Variants in TXNDC16 observed in about 807,000 individuals in gnomAD.
TXNDC16 encodes the protein thioredoxin domain-containing protein 16.
TXNDC16 carries 74 observed loss-of-function variants against 85.6 expected under a neutral mutation model. The observed-to-expected ratio is 0.86, with a 90% CI of 0.72 to 1.05. The LOEUF (loss-of-function observed/expected upper bound fraction) is 1.05, where lower values mean the gene tolerates loss of function less well. Ranked by LOEUF, TXNDC16 falls within the 50% of genes least tolerant of loss-of-function variation. The pLI is 0.00. For synonymous variants in TXNDC16, 335 were observed against 326.5 expected (o/e 1.03, Z -0.28); for missense variants, 959 against 947.0 (o/e 1.01, Z -0.17).
intron 3 of TXNDC16, 89 bp from the exon 4 acceptor site, chr14:52,542,542 C>T (rs1387269960): frequency 1.2e-6 from 1 of 855,856 alleles, no homozygotes; most frequent in Non-Finnish European, 1.9e-6. Context: ...ATTCATTTGT[C>T]CAACTAGCAT....
chr14:52,544,028 C>G (rs2037890388), intron 2 of TXNDC16, among the ~76,000 whole-genome samples: 2 of 151,912 alleles, frequency 1.3e-5, no homozygotes. Flanking sequence ...GTGAAACAGC[C>G]AAAATATGCC....
intron 14 of TXNDC16, among the ~76,000 whole-genome samples, chr14:52,480,083 T>C (rs999611742): frequency 1.3e-5 from 2 of 152,140 alleles, no homozygotes; most frequent in South Asian, 2.1e-4. Flanking sequence ...ATTCAACAAA[T>C]GGTGCTGAGA....
chr14:52,432,731 T>A (rs1401543069), intron 20 of TXNDC16, 144 bp from the exon 21 acceptor site: 2 of 761,212 alleles, frequency 2.6e-6, no homozygotes, highest in East Asian at 6.2e-5. Context: ...AGCTAGGAAT[T>A]TTTTTACTGT....
At position 52,502,433 on chromosome 14, in the gene TXNDC16, C is replaced by T. The variant is rs998438290; in HGVS notation, c.756+8807G>A. Among the ~76,000 whole-genome samples the T allele has an allele frequency of 1.3e-5, 2 of 152,318 alleles. 1 individual carries two copies. Among genetic ancestry groups the T allele is most frequent in the Non-Finnish European group, 2.9e-5 (2 of 68,010 alleles). On this transcript the variant is annotated intron_variant, in intron 9 of 20. Transcript: ENST00000281741. ...ACCATTGACATTGTATTTTATAAAA[C>T]GTGTATTTCAAGGGGCTGTTGTTCC...
intron 18 of TXNDC16, among the ~76,000 whole-genome samples, chr14:52,454,898 A>G (rs999176270): frequency 6.6e-6 from 1 of 152,216 alleles, no homozygotes; most frequent in Non-Finnish European, 1.5e-5. Context: ...CTATCAAATC[A>G]TGTCTCATTC....
chr14:52,535,029 C>T (rs1219589175), intron 6 of TXNDC16, among the ~76,000 whole-genome samples: 4 of 152,168 alleles, frequency 2.6e-5, no homozygotes, highest in Admixed American at 2.6e-4. Flanking sequence ...ACCACTTTGT[C>T]ATCAAGTTGT....
intron 8 of TXNDC16, 64 bp from the exon 9 acceptor site, chr14:52,511,454 G>T: frequency 9.2e-7 from 1 of 1,084,064 alleles, no homozygotes; most frequent in South Asian, 2.4e-5. Flanking sequence ...CATCCAATAA[G>T]CTGTAACAAT....
intron 9 of TXNDC16, among the ~76,000 whole-genome samples, chr14:52,507,374 T>C (rs559258911): frequency 2.0e-5 from 3 of 152,058 alleles, no homozygotes; most frequent in African/African-American, 7.2e-5. Context: ...GAAGGACCTC[T>C]TCAAGGAGAA....
At chr14:52,476,173 G>C (rs1261189197) in intron 14 of TXNDC16, among the ~76,000 whole-genome samples, 1 of 152,116 alleles carries the variant, frequency 6.6e-6, no homozygotes, top group Non-Finnish European at 1.5e-5. Context: ...AAAAGGAACT[G>C]AACAACAGCC....
At chr14:52,542,890 A>C (rs1376116036) in intron 3 of TXNDC16, among the ~76,000 whole-genome samples, 1 of 152,166 alleles carries the variant, frequency 6.6e-6, no homozygotes, top group Non-Finnish European at 1.5e-5. Flanking sequence ...TAGTACTTTT[A>C]AGACATGAAG....
intron 8 of TXNDC16, 37 bp from the exon 9 acceptor site, chr14:52,511,427 AT>A: frequency 2.1e-6 from 3 of 1,406,490 alleles, no homozygotes; most frequent in Non-Finnish European, 2.9e-6. Flanking sequence ...ATGAAGTTCA[AT>A]ATGTGATCCT....
intron 6 of TXNDC16, among the ~76,000 whole-genome samples, chr14:52,524,170 G>C (rs1385189228): frequency 6.6e-6 from 1 of 152,240 alleles, no homozygotes; most frequent in Non-Finnish European, 1.5e-5. Context: ...TTTAGAGGAG[G>C]ACAGCTGTAA....
chr14:52,453,936 A>C (rs1436993580), intron 18 of TXNDC16, among the ~76,000 whole-genome samples: 1 of 152,184 alleles, frequency 6.6e-6, no homozygotes, highest in African/African-American at 2.4e-5. Flanking sequence ...TGGGTACAAA[A>C]ACTAGTTTGA....
intron 11 of TXNDC16, among the ~76,000 whole-genome samples, 200 bp from the exon 12 acceptor site, chr14:52,488,686 T>C (rs945344011): frequency 3.3e-5 from 5 of 151,602 alleles, no homozygotes; most frequent in African/African-American, 9.7e-5. Flanking sequence ...ATACAAAAAT[T>C]AGACTGGCGT....
In TXNDC16 at chr14:52,461,049, C is replaced by G. The variant is rs546732154; in HGVS notation, c.1619-3875G>C. On this transcript the variant is annotated intron_variant, in intron 16 of 20. Transcript: ENST00000281741. ...CTTTCTACAATTTATTTAGTTTTAT[C>G]TATATCTTTTAGTTCTTTTAATTTG... 2.6e-5 allele frequency among the ~76,000 whole-genome samples: 4 copies of G among 151,460 alleles called. No homozygotes were observed. In the East Asian group the frequency reaches 7.8e-4, roughly 30 times the overall value.
intron 14 of TXNDC16, among the ~76,000 whole-genome samples, chr14:52,477,867 G>C (rs148877811): frequency 6.6e-6 from 1 of 151,988 alleles, no homozygotes; most frequent in Non-Finnish European, 1.5e-5. Context: ...AACAACCACA[G>C]AATATACATT....
chr14:52,452,190 A>G (rs1375351657), intron 18 of TXNDC16, among the ~76,000 whole-genome samples: 1 of 152,170 alleles, frequency 6.6e-6, no homozygotes, highest in Non-Finnish European at 1.5e-5. Context: ...TGAACACACA[A>G]AAATAGAAAG....
intron 7 of TXNDC16, among the ~76,000 whole-genome samples, chr14:52,516,608 C>T (rs2037088322): frequency 1.3e-5 from 2 of 152,130 alleles, no homozygotes; most frequent in Non-Finnish European, 1.5e-5. Context: ...CTCAATGGGT[C>T]CTTTCCATCT....
chr14:52,467,745 A>G (rs1428236955), intron 16 of TXNDC16, among the ~76,000 whole-genome samples: 1 of 152,226 alleles, frequency 6.6e-6, no homozygotes, highest in Non-Finnish European at 1.5e-5. Context: ...TCCACTTCTC[A>G]GTATGTACTC....
Sources: gnomAD v4.1 joint callset for allele counts (sites outside exome capture counted in the v4.1 genomes callset) on GRCh38, gnomAD v4.1.1 for gene constraint, MANE v1.5 for transcripts, NCBI Gene and HGNC (gene_info 2026-07-23, HGNC 2026-07-21) for gene names.